The following RASGRP3 variants were observed in gnomAD, a reference collection of about 807,000 sequenced individuals.
The protein encoded by RASGRP3 is RAS guanyl releasing protein 3.
RASGRP3 carries 54 observed loss-of-function variants against 82.7 expected under a neutral mutation model. The observed-to-expected ratio is 0.65, with a 90% CI of 0.52 to 0.82. RASGRP3 has a LOEUF of 0.82. Ranked by LOEUF, RASGRP3 falls within the 40% of genes least tolerant of loss-of-function variation. The probability of loss-of-function intolerance (pLI) is 0.00; values close to 1 mark genes in which losing one functional copy is unlikely to be tolerated. For missense variants in RASGRP3, 861 were observed against 828.9 expected (o/e 1.04, Z -0.48); for synonymous variants, 309 against 300.5 (o/e 1.03, Z -0.29).
intron 2 of RASGRP3, among the ~76,000 whole-genome samples, chr2:33,453,869 A>T (rs948814404): frequency 6.6e-6 from 1 of 152,224 alleles, no homozygotes; most frequent in Non-Finnish European, 1.5e-5. Flanking sequence ...GATTTTTGAA[A>T]TTACACACAT....
intron 1 of RASGRP3, among the ~76,000 whole-genome samples, chr2:33,497,056 C>T (rs919585531): frequency 3.9e-5 from 6 of 151,956 alleles, no homozygotes; most frequent in South Asian, 2.1e-4. Context: ...AATTCAAGTA[C>T]GTAGTAATAA....
intron 7 of RASGRP3, among the ~76,000 whole-genome samples, chr2:33,523,416 G>C (rs1459024196): frequency 6.6e-6 from 1 of 150,946 alleles, no homozygotes; most frequent in Admixed American, 6.6e-5. Context: ...AGTGAGCCGA[G>C]ATCGCGCCAC....
At chr2:33,451,483 G>C (rs12999445) in intron 2 of RASGRP3, among the ~76,000 whole-genome samples, 127,802 of 152,160 alleles carry the variant, frequency 0.84, 53,925 homozygotes, top group Non-Finnish European at 0.87. Context: ...AATCATTGCC[G>C]AGACCAATGA....
intron 1 of RASGRP3, among the ~76,000 whole-genome samples, chr2:33,438,476 C>G (rs904057195): frequency 3.3e-5 from 5 of 151,504 alleles, no homozygotes; most frequent in Admixed American, 3.3e-4. Context: ...GCAGAAGAAT[C>G]GCTTGAACCC....
At position 33,563,384 on chromosome 2, in the gene RASGRP3, T is replaced by TAAC. The variant is rs977891954; in HGVS notation, c.*650_*652dup. The TAAC allele has an allele frequency of 6.6e-6, 1 of 152,260 alleles. No individual in the cohort carries two copies. Among genetic ancestry groups the TAAC allele is most frequent in the African/African-American group, 2.4e-5 (1 of 41,428 alleles). The allele number at this position is 152,260 out of a possible 1,614,324, so 9.4% of individuals were successfully genotyped here. ...CCCACTACACAGTTGCTATGATATG[T>TAAC]AACAAGTCACACATGTATATATCAC... is the stretch of plus-strand genomic sequence containing the variant. On this transcript the variant is annotated 3_prime_UTR_variant, in exon 18 of 18. Transcript: ENST00000403687.
At chr2:33,502,914 T>C (rs1431785761) in intron 1 of RASGRP3, among the ~76,000 whole-genome samples, 3 of 152,174 alleles carry the variant, frequency 2.0e-5, no homozygotes, top group Non-Finnish European at 2.9e-5. Flanking sequence ...GAGTCCAAAA[T>C]ACACATCAGA....
chr2:33,450,100 A>C (rs1665707818), intron 2 of RASGRP3, among the ~76,000 whole-genome samples: 1 of 152,162 alleles, frequency 6.6e-6, no homozygotes, highest in African/African-American at 2.4e-5. Context: ...CCAGCCCCCA[A>C]GCTTTATTAA....
At chr2:33,502,117 T>A (rs1296750515) in intron 1 of RASGRP3, among the ~76,000 whole-genome samples, 1 of 152,024 alleles carries the variant, frequency 6.6e-6, no homozygotes, top group Admixed American at 6.6e-5. Context: ...TTGCTAAATT[T>A]TGTTTGTTTG....
At chr2:33,562,267 C>CT (rs71409631) in intron 17 of RASGRP3, among the ~76,000 whole-genome samples, 62,268 of 126,998 alleles carry the variant, frequency 0.49, 15,961 homozygotes, top group Middle Eastern at 0.62. Context: ...ATCTCTCTCT[C>CT]TTTTTTTTTT....
Position 33,543,497 on chromosome 2 carries a change from A to C in RASGRP3, c.1279-15A>C. The C allele has an allele frequency of 1.3e-6, 2 of 1,505,410 alleles. No individual in the cohort carries two copies. The highest frequency in any genetic ancestry group is 1.8e-6 in the Non-Finnish European group (2 of 1,088,582). 93.3% of individuals were successfully genotyped at this position (1,505,410 alleles called of 1,614,324 possible). ...CCTTATAGTCATTCAATAAATACTT[A>C]TCTTTCCTTTGCAGTCTGTATTTAG... On this transcript the variant is annotated splice_polypyrimidine_tract_variant and intron_variant, in intron 12 of 17. Transcript: ENST00000403687.
chr2:33,475,132 G>A (rs1031726062), upstream of RASGRP3, among the ~76,000 whole-genome samples: 2 of 152,238 alleles, frequency 1.3e-5, no homozygotes, highest in Non-Finnish European at 2.9e-5. Flanking sequence ...AAAAATGCCT[G>A]TGAGGGAAAT....
intron 4 of RASGRP3, among the ~76,000 whole-genome samples, chr2:33,517,314 A>G (rs1288344879): frequency 1.3e-5 from 2 of 152,232 alleles, no homozygotes; most frequent in African/African-American, 2.4e-5. Context: ...TCCCATTTGT[A>G]AAAGGTTCTA....
intron 2 of RASGRP3, among the ~76,000 whole-genome samples, chr2:33,459,872 C>T (rs993726914): frequency 1.3e-5 from 2 of 152,172 alleles, no homozygotes; most frequent in Admixed American, 6.5e-5. Context: ...CTTGAGTTCT[C>T]TCCAGTTCTC....
intron 4 of RASGRP3, among the ~76,000 whole-genome samples, chr2:33,517,435 G>A (rs147257715): frequency 2.0e-5 from 3 of 152,186 alleles, no homozygotes; most frequent in Non-Finnish European, 2.9e-5. Flanking sequence ...CCTACAGGGA[G>A]GGGGAGCCTT....
In RASGRP3 at chr2:33,515,182, CT is replaced by C; in HGVS notation, c.47del (p.Leu16ArgfsTer22). 6.2e-7 allele frequency: 1 copy of C among 1,613,972 alleles called. No homozygotes were observed. The highest frequency in any genetic ancestry group is 1.1e-5 in the South Asian group (1 of 91,082). On this transcript the variant is annotated frameshift_variant, in exon 3 of 18. Coordinates refer to ENST00000403687, the MANE Select transcript of RASGRP3 (RefSeq NM_001139488.2). LOFTEE classifies it high-confidence loss of function. ...LGKAATLDEL[L>X]CTCIEMFDDN... ...GAAAGCAGCAACATTAGATGAACTG[CT>C]GTGCACTTGCATTGAGATGTTTGGT...
At chr2:33,545,073 G>A (rs879354984) in intron 13 of RASGRP3, among the ~76,000 whole-genome samples, 1 of 152,110 alleles carries the variant, frequency 6.6e-6, no homozygotes, top group Non-Finnish European at 1.5e-5. Flanking sequence ...ATGTAAATAG[G>A]ACATTGACTT....
intron 10 of RASGRP3, among the ~76,000 whole-genome samples, chr2:33,529,234 C>T (rs971092377): frequency 9.9e-5 from 15 of 151,968 alleles, no homozygotes; most frequent in Non-Finnish European, 2.1e-4. Flanking sequence ...GTGGCTCAAG[C>T]CTGTAATTCC....
intron 2 of RASGRP3, among the ~76,000 whole-genome samples, chr2:33,464,480 A>ATTT (rs1398668926): frequency 5.2e-4 from 55 of 104,958 alleles, no homozygotes; most frequent in Middle Eastern, 6.0e-3. Flanking sequence ...TCTTTTTTTA[A>ATTT]AAAAAAAAAA....
At chr2:33,548,119 T>G (rs986771390) in intron 13 of RASGRP3, among the ~76,000 whole-genome samples, 1 of 151,892 alleles carries the variant, frequency 6.6e-6, no homozygotes, top group African/African-American at 2.4e-5. Context: ...CCCAGCACTT[T>G]GGGAGGCCGA....
Sources: allele counts gnomAD v4.1 joint callset (sites outside exome capture counted in the v4.1 genomes callset), GRCh38; gene constraint gnomAD v4.1.1; transcripts MANE v1.5; gene names NCBI Gene and HGNC (gene_info 2026-07-23, HGNC 2026-07-21).